USP2: variants seen among roughly 807,000 people sequenced by gnomAD.
The protein encoded by USP2 is ubiquitin carboxyl-terminal hydrolase 2.
Under a neutral mutation model 72.0 loss-of-function variants are expected in USP2, and 33 were observed. The ratio of observed to expected loss-of-function variants is 0.46; its 90% CI spans 0.35 to 0.61. The LOEUF is 0.61. USP2 is among the 20% of genes least tolerant of loss of function. USP2 has a pLI of 0.01. For synonymous variants in USP2, 296 were observed against 312.5 expected (o/e 0.95, Z 0.56); for missense variants, 691 against 797.8 (o/e 0.87, Z 1.61).
chr11:119,380,292 C>G (rs1951045675), intron 1 of USP2, among the ~76,000 whole-genome samples: 1 of 151,812 alleles, frequency 6.6e-6, no homozygotes, highest in Admixed American at 6.6e-5. Flanking sequence ...CTGGGAAGGG[C>G]AAACAAGGCT....
In USP2 at chr11:119,355,712, G is replaced by A. The variant is rs959672404; in HGVS notation, c.*1123C>T. On this transcript the variant is annotated 3_prime_UTR_variant, in exon 13 of 13. Coordinates refer to ENST00000260187, the MANE Select transcript of USP2 (RefSeq NM_004205.5). Reference sequence around the variant, plus strand: ...GCAGGAAGGCCAGGGGGAAAGGGATGTTAAGAGAATAAATAAAAGGGAGAG... The same window carrying A: ...GCAGGAAGGCCAGGGGGAAAGGGATATTAAGAGAATAAATAAAAGGGAGAG... The A allele has an allele frequency of 4.6e-5, 7 of 152,524 alleles. No individual in the cohort carries two copies. The highest frequency in any genetic ancestry group is 1.9e-4 in the East Asian group (1 of 5,184). 9.4% of individuals were successfully genotyped at this position (152,524 alleles called of 1,614,324 possible). A position where few individuals can be genotyped will look rare whatever the true frequency, so the allele number is the denominator to read the frequency against.
chr11:119,377,709 A>G (rs1246851505), intron 1 of USP2, among the ~76,000 whole-genome samples: 1 of 152,144 alleles, frequency 6.6e-6, no homozygotes, highest in Non-Finnish European at 1.5e-5. Context: ...TGGGTGAGTC[A>G]GGGGTTAAAA....
chr11:119,357,094 G>T, intron 12 of USP2, 93 bp downstream of exon 12: 5 of 1,221,146 alleles, frequency 4.1e-6, no homozygotes, highest in African/African-American at 1.7e-5. Flanking sequence ...CCGTGCGGGG[G>T]GTGGGAGGGG....
chr11:119,357,061 T>C (rs1421373583), intron 12 of USP2, 126 bp downstream of exon 12: 1 of 1,088,592 alleles, frequency 9.2e-7, no homozygotes, highest in African/African-American at 1.9e-5. Flanking sequence ...GCCTTAAACT[T>C]TGCCATCCAT....
At chr11:119,363,679 G>A (rs1049655076) in intron 2 of USP2, among the ~76,000 whole-genome samples, 1 of 151,276 alleles carries the variant, frequency 6.6e-6, no homozygotes, top group Non-Finnish European at 1.5e-5. Flanking sequence ...ACGAGTAAGC[G>A]TGCGATCACC....
intron 2 of USP2, among the ~76,000 whole-genome samples, chr11:119,364,699 G>A (rs566862436): frequency 1.5e-4 from 23 of 152,322 alleles, no homozygotes; most frequent in Middle Eastern, 6.8e-3. Context: ...CCAAACTCAT[G>A]CAGTCTGTGG....
rs768581887 is a variant in USP2, at chr11:119,360,251, T to TA, written c.775-18dup. 6.2e-7 allele frequency: 1 copy of TA among 1,613,676 alleles called. No homozygotes were observed. The highest frequency in any genetic ancestry group is 1.1e-5 in the South Asian group (1 of 90,934). ...CTTAGAATTCTGTAAGCAAAGAACA[T>TA]ATGGCAATAAGGTGGAAGCAAAGAT... On this transcript the variant is annotated splice_polypyrimidine_tract_variant and intron_variant, in intron 2 of 12. Transcript: ENST00000260187.
intron 2 of USP2, chr11:119,364,107 C>T: frequency 4.9e-6 from 6 of 1,228,800 alleles, no homozygotes; most frequent in Non-Finnish European, 6.1e-6. Context: ...GAGACCGCTA[C>T]AGGACAGCGT....
chr11:119,357,972 G>A lies in USP2; in HGVS notation c.1422+9C>T. On this transcript the variant is annotated intron_variant, in intron 9 of 12. Transcript: ENST00000260187. ...AATTTGTTCTTGCTATTACCGAAGG[G>A]TGACTTACTGGCTTTTCATCTCCAT... is the stretch of plus-strand genomic sequence containing the variant. The A allele has an allele frequency of 1.2e-6, 2 of 1,614,166 alleles. No homozygotes were observed. The highest frequency in any genetic ancestry group is 1.7e-6 in the Non-Finnish European group (2 of 1,180,034).
intron 2 of USP2, chr11:119,364,058 G>C: frequency 7.8e-7 from 1 of 1,274,036 alleles, no homozygotes. Flanking sequence ...CGCGGGGGGA[G>C]TCCCCGCGCG....
At chr11:119,364,350 G>A in intron 2 of USP2, 1 of 249,894 alleles carries the variant, frequency 4.0e-6, no homozygotes, top group Non-Finnish European at 6.4e-6. Flanking sequence ...GTCCTCCCCC[G>A]CCGGGCCTTC....
chr11:119,373,900 G>C (rs1019196026), intron 1 of USP2, among the ~76,000 whole-genome samples: 11 of 152,218 alleles, frequency 7.2e-5, no homozygotes, highest in Non-Finnish European at 1.6e-4. Context: ...CTGGGGGAAT[G>C]CCACTGACCC....
chr11:119,377,273 C>G (rs897348513), intron 1 of USP2, among the ~76,000 whole-genome samples: 7 of 152,156 alleles, frequency 4.6e-5, no homozygotes, highest in Non-Finnish European at 8.8e-5. Context: ...GGGCTGGACT[C>G]GTGCTCTGTC....
intron 5 of USP2, 31 bp from the exon 6 acceptor site, chr11:119,359,165 C>A: frequency 6.2e-7 from 1 of 1,613,186 alleles, no homozygotes; most frequent in Non-Finnish European, 8.5e-7. Flanking sequence ...GTGAGCAACA[C>A]CTCTTGTCCT....
chr11:119,361,323 G>C lies in USP2; in HGVS notation c.775-1089C>G, dbSNP rs555563375. On this transcript the variant is annotated intron_variant, in intron 2 of 12. Transcript: ENST00000260187. ...GAACAGGTGCTGGATCGAGGACTCTGAGCTTATTTGTCAAGGTCTCTTGGC... is the reference window on the plus strand; with the variant it reads ...GAACAGGTGCTGGATCGAGGACTCTCAGCTTATTTGTCAAGGTCTCTTGGC... Among the ~76,000 whole-genome samples the C allele has an allele frequency of 1.8e-4, 28 of 152,302 alleles. No individual in the cohort carries two copies. In the South Asian group the frequency reaches 5.4e-3, roughly 29 times the overall value.
intron 1 of USP2, among the ~76,000 whole-genome samples, chr11:119,375,278 G>A (rs758238423): frequency 1.3e-5 from 2 of 152,254 alleles, no homozygotes; most frequent in Non-Finnish European, 2.9e-5. Context: ...AGGCTTTGGG[G>A]TAGGTACAGG....
rs957459515 is a variant in USP2, at chr11:119,373,183, C to G, written c.298G>C (p.Glu100Gln). 6.2e-7 allele frequency: 1 copy of G among 1,614,014 alleles called. No individual in the cohort carries two copies. The highest frequency in any genetic ancestry group is 1.1e-5 in the South Asian group (1 of 91,092). The stretch of plus-strand genomic sequence containing the variant: ...CTGAGGCCACTGCCTAAAGGCCGCT[C>G]AGTACCCCGGGTCTGGCTCTCTGCC... ...KRAESQTRGT[E>Q]RPLGSGLSGG... is the part of the protein sequence containing the mutation. Residue 100 changes from glutamate to glutamine, a missense_variant, in exon 2 of 13, where the codon GAG becomes CAG. By Grantham distance (29) the Glu-to-Gln change is conservative. Transcript: ENST00000260187.
intron 2 of USP2, among the ~76,000 whole-genome samples, chr11:119,363,331 T>G (rs1208976868): frequency 6.6e-6 from 1 of 152,148 alleles, no homozygotes; most frequent in East Asian, 1.9e-4. Flanking sequence ...AAGGGGAAGT[T>G]GCCCTCTGTC....
chr11:119,370,665 G>C (rs1033996184), intron 2 of USP2, among the ~76,000 whole-genome samples: 3 of 152,244 alleles, frequency 2.0e-5, no homozygotes, highest in Non-Finnish European at 4.4e-5. Context: ...TGACCCTGGA[G>C]AGGCCTCTGC....
Sources: gnomAD v4.1 joint callset for allele counts (sites outside exome capture counted in the v4.1 genomes callset) on GRCh38, gnomAD v4.1.1 for gene constraint, MANE v1.5 for transcripts, NCBI Gene and HGNC (gene_info 2026-07-23, HGNC 2026-07-21) for gene names.